Variants in VAT1L observed in about 807,000 individuals in gnomAD.
VAT1L encodes the protein vesicle amine transport 1 like.
Under a neutral mutation model 44.1 loss-of-function variants are expected in VAT1L, and 34 were observed. The observed-to-expected ratio is 0.77, with a 90% CI of 0.59 to 1.03. The LOEUF is 1.03. Ranked by LOEUF, VAT1L falls within the 50% of genes least tolerant of loss-of-function variation. VAT1L has a pLI of 0.00. For missense variants in VAT1L, 615 were observed against 538.8 expected, an observed-to-expected ratio of 1.14 and a Z score of -1.40; for synonymous variants, 253 against 202.2, an observed-to-expected ratio of 1.25 and a Z score of -2.13.
At chr16:77,799,483 G>C (rs1489041178) in intron 1 of VAT1L, among the ~76,000 whole-genome samples, 1 of 150,570 alleles carries the variant, frequency 6.6e-6, no homozygotes, top group Non-Finnish European at 1.5e-5. Context: ...CATCATGTCT[G>C]ACAGCCCCAC....
intron 7 of VAT1L, among the ~76,000 whole-genome samples, chr16:77,933,810 A>G (rs1050932406): frequency 1.3e-5 from 2 of 152,226 alleles, no homozygotes; most frequent in African/African-American, 4.8e-5. Context: ...GAAGGGGACA[A>G]CAGTAAATGA....
intron 7 of VAT1L, among the ~76,000 whole-genome samples, chr16:77,912,972 T>C (rs947818067): frequency 5.3e-5 from 8 of 152,146 alleles, no homozygotes; most frequent in Non-Finnish European, 1.2e-4. Flanking sequence ...TCCTCATTAC[T>C]TTATCTAAAC....
rs186524517 is a variant in VAT1L, at chr16:77,954,097, G to C, written c.1078-17753G>C. On this transcript the variant is annotated intron_variant, in intron 7 of 8. Transcript: ENST00000302536. ...AACTCAGCTGCTGGGTCTTTTGAGC[G>C]GCCACATGGAGACAATGAATAGGTA... is the stretch of plus-strand genomic sequence containing the variant. 5.3e-5 allele frequency among the ~76,000 whole-genome samples: 8 copies of C among 152,148 alleles called. No homozygotes were observed. The South Asian group carries it at 1.5e-3, about 28-fold the overall frequency.
intron 3 of VAT1L, among the ~76,000 whole-genome samples, chr16:77,837,424 C>T (rs2016651487): frequency 2.0e-5 from 3 of 152,194 alleles, no homozygotes; most frequent in Admixed American, 1.3e-4. Context: ...GAAATTAAAC[C>T]TCAGGCTCCT....
intron 5 of VAT1L, 100 bp downstream of exon 5, chr16:77,876,573 T>C: frequency 9.9e-7 from 1 of 1,012,156 alleles, no homozygotes; most frequent in Non-Finnish European, 1.5e-6. Context: ...TATGTTGGGG[T>C]AGTGGGATGG....
chr16:77,967,564 C>G (rs985196903), intron 7 of VAT1L, among the ~76,000 whole-genome samples: 3 of 152,202 alleles, frequency 2.0e-5, no homozygotes, highest in Non-Finnish European at 4.4e-5. Context: ...GGAAATACTG[C>G]TAATCCTTTA....
chr16:77,813,150 CCT>C (rs981972963), intron 1 of VAT1L, among the ~76,000 whole-genome samples: 6 of 151,588 alleles, frequency 4.0e-5, no homozygotes, highest in Non-Finnish European at 7.4e-5. Context: ...TTGACATGCC[CCT>C]GTTTTTTTAT....
At chr16:77,850,102 G>T (rs1474606848) in intron 3 of VAT1L, among the ~76,000 whole-genome samples, 3 of 152,196 alleles carry the variant, frequency 2.0e-5, no homozygotes, top group Non-Finnish European at 4.4e-5. Context: ...GAACACGATA[G>T]TCCCAAGTAA....
At chr16:77,962,759 G>GGAAGGAAGGAAGGAAA (rs2018176697) in intron 7 of VAT1L, among the ~76,000 whole-genome samples, 2 of 151,300 alleles carry the variant, frequency 1.3e-5, no homozygotes, top group African/African-American at 4.9e-5. Context: ...AAGGAAGGAA[G>GGAAGGAAGGAAGGAAA]GAAGGAAGGA....
intron 7 of VAT1L, among the ~76,000 whole-genome samples, chr16:77,934,848 G>C (rs1053218785): frequency 3.9e-5 from 6 of 152,174 alleles, no homozygotes; most frequent in Non-Finnish European, 8.8e-5. Context: ...TCTTATATCA[G>C]ACAATGGAGA....
intron 1 of VAT1L, among the ~76,000 whole-genome samples, chr16:77,799,479 G>C (rs1047251045): frequency 2.0e-5 from 3 of 150,560 alleles, no homozygotes; most frequent in Non-Finnish European, 4.4e-5. Flanking sequence ...TAAGCATCAT[G>C]TCTGACAGCC....
intron 7 of VAT1L, among the ~76,000 whole-genome samples, chr16:77,952,708 A>G (rs1051693342): frequency 6.6e-6 from 1 of 151,836 alleles, no homozygotes. Flanking sequence ...AAATACAAAA[A>G]TTAGCCAGGC....
intron 8 of VAT1L, among the ~76,000 whole-genome samples, chr16:77,973,820 G>A (rs541246958): frequency 6.6e-6 from 1 of 151,720 alleles, no homozygotes; most frequent in Non-Finnish European, 1.5e-5. Flanking sequence ...CCACCTCCCA[G>A]GTTAATGCCA....
At chr16:77,866,590 C>T (rs972700027) in intron 4 of VAT1L, among the ~76,000 whole-genome samples, 11 of 147,906 alleles carry the variant, frequency 7.4e-5, no homozygotes, top group Non-Finnish European at 1.6e-4. Flanking sequence ...TATTGTTACG[C>T]TATTAGGTGT....
chr16:77,940,739 C>G (rs1359631120), intron 7 of VAT1L, among the ~76,000 whole-genome samples: 1 of 152,112 alleles, frequency 6.6e-6, no homozygotes, highest in African/African-American at 2.4e-5. Context: ...GGTTTTCTGT[C>G]TGTCTTCAAA....
intron 7 of VAT1L, among the ~76,000 whole-genome samples, chr16:77,917,038 A>G (rs2017559705): frequency 1.3e-5 from 2 of 152,122 alleles, no homozygotes; most frequent in Admixed American, 1.3e-4. Context: ...ATCCACCAGC[A>G]CTTGAAGGAT....
intron 7 of VAT1L, among the ~76,000 whole-genome samples, chr16:77,919,111 T>C (rs1273197804): frequency 6.6e-6 from 1 of 152,200 alleles, no homozygotes; most frequent in East Asian, 1.9e-4. Context: ...AAAGTCCTTC[T>C]GGAGTTTTGA....
intron 7 of VAT1L, among the ~76,000 whole-genome samples, chr16:77,891,786 G>T (rs1211826655): frequency 6.6e-6 from 1 of 152,008 alleles, no homozygotes; most frequent in Non-Finnish European, 1.5e-5. Context: ...TTGATAAAAA[G>T]ATTAGGCCGG....
chr16:77,848,427 C>T (rs1007366727), intron 3 of VAT1L, among the ~76,000 whole-genome samples: 1 of 152,094 alleles, frequency 6.6e-6, no homozygotes, highest in African/African-American at 2.4e-5. Flanking sequence ...TCTTGGCCCC[C>T]CATGTGGGAT....
Sources: allele counts gnomAD v4.1 joint callset (sites outside exome capture counted in the v4.1 genomes callset), GRCh38; gene constraint gnomAD v4.1.1; transcripts MANE v1.5; gene names NCBI Gene and HGNC (gene_info 2026-07-23, HGNC 2026-07-21).